Variants in GON4L observed in about 807,000 individuals in gnomAD.
GON4L encodes GON-4-like protein.
A neutral mutation model predicts 211.8 loss-of-function variants in GON4L; 87 were observed. That is an observed-to-expected ratio of 0.41 (90% confidence interval 0.35 to 0.49). GON4L has a LOEUF of 0.49. GON4L is among the 20% of genes least tolerant of loss of function. The pLI is 0.15. For missense variants in GON4L, 2,155 were observed against 2,659.5 expected (o/e 0.81, Z 4.17); for synonymous variants, 875 against 962.6 (o/e 0.91, Z 1.68).
intron 4 of GON4L, 76 bp from the exon 5 acceptor site, chr1:155,821,624 T>C: frequency 1.2e-6 from 1 of 850,498 alleles, no homozygotes. Flanking sequence ...CATGTAACTG[T>C]CAGACCTATG....
chr1:155,780,327 C>A (rs1225459617), intron 14 of GON4L, among the ~76,000 whole-genome samples: 1 of 151,914 alleles, frequency 6.6e-6, no homozygotes, highest in African/African-American at 2.4e-5. Context: ...CGTGGTGGCT[C>A]AAGCCAGTAA....
intron 23 of GON4L, among the ~76,000 whole-genome samples, chr1:155,761,175 GTTTTTTTTTT>G (rs921323729): frequency 9.1e-6 from 1 of 109,540 alleles, no homozygotes; most frequent in Non-Finnish European, 1.8e-5. Context: ...CTTATGTGTG[GTTTTTTTTTT>G]TTTTTTTTTT....
intron 2 of GON4L, among the ~76,000 whole-genome samples, chr1:155,830,186 G>A (rs1669622532): frequency 6.6e-6 from 1 of 151,626 alleles, no homozygotes. Flanking sequence ...CTGACCTCAG[G>A]TAATCTGTCC....
rs1662224632 is a variant in GON4L, at chr1:155,764,541, G to T, written c.4473+459C>A. On this transcript the variant is annotated intron_variant, in intron 21 of 31. Transcript: ENST00000368331. The stretch of plus-strand genomic sequence containing the variant: ...TGCAACCTCTGTCTCTCGGGCTCAA[G>T]CAATTCTCCTGCCTCTGCCTCCCAA... 2.2e-5 allele frequency: 7 copies of T among 324,958 alleles called. No homozygotes were observed. In the Admixed American group the frequency reaches 3.0e-4, roughly 14 times the overall value. The allele number at this position is 324,958 out of a possible 1,614,324, so 20.1% of individuals were successfully genotyped here.
intron 10 of GON4L, among the ~76,000 whole-genome samples, chr1:155,806,053 T>G (rs1382402560): frequency 6.8e-6 from 1 of 147,944 alleles, no homozygotes; most frequent in African/African-American, 2.5e-5. Flanking sequence ...ACTGGCACAA[T>G]CAGAGCTGAC....
At chr1:155,853,124 A>G (rs910600765) in intron 2 of GON4L, 152 bp downstream of exon 2, 30 of 748,198 alleles carry the variant, frequency 4.0e-5, no homozygotes, top group Non-Finnish European at 5.8e-5. Context: ...AAAAAAAAAA[A>G]GTTCACTGTT....
rs371575442 is a variant in GON4L at position 155,783,936 on chromosome 1, G to C, written c.1892+50C>G. 2.5e-6 allele frequency: 4 copies of C among 1,609,518 alleles called. No individual in the cohort carries two copies. In the African/African-American group the frequency reaches 4.0e-5, roughly 16 times the overall value. ...ATTGCAACTTCTGAAAACCTTTTCAGAAATAAACTTTTCCTCTATTCCAAA... is the reference window on the plus strand; with the variant it reads ...ATTGCAACTTCTGAAAACCTTTTCACAAATAAACTTTTCCTCTATTCCAAA... On this transcript the variant is annotated intron_variant, in intron 14 of 31. Transcript: ENST00000368331.
downstream of GON4L, chr1:155,748,789 G>C (rs1223089164): frequency 1.9e-6 from 3 of 1,611,560 alleles, no homozygotes; most frequent in South Asian, 2.2e-5. Context: ...GCCACACAAG[G>C]TGAGAGCTGT....
At chr1:155,838,255 CA>C (rs1169413575) in intron 2 of GON4L, among the ~76,000 whole-genome samples, 3 of 151,830 alleles carry the variant, frequency 2.0e-5, no homozygotes, top group African/African-American at 4.8e-5. Context: ...AACCTTGTCT[CA>C]AAAAATTAAT....
chr1:155,765,794 C>G lies in GON4L; in HGVS notation c.3679G>C (p.Val1227Leu), dbSNP rs61748905. The change falls in exon 21 of 32, where the codon GTG becomes CTG. Residue 1227 changes from valine (V) to leucine (L), a missense_variant. By Grantham distance (32) the Val-to-Leu change is conservative. Coordinates refer to ENST00000368331, the MANE Select transcript of GON4L (RefSeq NM_001282860.2). ...ACAGCACAAGCAATGTCCACATTCA[C>G]GTGGGCCTTATCTTCAGGGGTGGAT... is the stretch of plus-strand genomic sequence containing the variant. ...IPSTPEDKAH[V>L]NVDIACAVAD... 718 of 1,614,118 alleles carry G rather than the reference C, an allele frequency of 4.4e-4. 7 individuals are homozygous for G. Among genetic ancestry groups the G allele is most frequent in the Non-Finnish European group, 8.3e-5 (98 of 1,179,990 alleles).
At chr1:155,764,964 T>A in intron 21 of GON4L, 36 bp downstream of exon 21, 1 of 1,613,972 alleles carries the variant, frequency 6.2e-7, no homozygotes, top group Admixed American at 1.7e-5. Flanking sequence ...TATTACTGAG[T>A]CCACGAAATA....
chr1:155,802,967 A>G (rs1405095649), intron 11 of GON4L, among the ~76,000 whole-genome samples: 1 of 152,170 alleles, frequency 6.6e-6, no homozygotes, highest in Non-Finnish European at 1.5e-5. Context: ...CACACACACA[A>G]AAAAGTACAA....
chr1:155,774,677 C>A, intron 17 of GON4L: 1 of 414,654 alleles, frequency 2.4e-6, no homozygotes. Context: ...TTCATCTTTA[C>A]CAGGCCCCAG....
chr1:155,853,567 C>G lies in GON4L; in HGVS notation c.214G>C (p.Gly72Arg). The G allele has an allele frequency of 6.2e-7, 1 of 1,614,134 alleles. No homozygotes were observed. Among genetic ancestry groups the G allele is most frequent in the Non-Finnish European group, 8.5e-7 (1 of 1,180,004 alleles). ...GAGCTCAGAGATGTATCCTCCATAC[C>G]AAGCTGATTTCCTGCATCCTGCAAA... The part of the protein sequence containing the change: ...QSLQDAGNQL[G>R]MEDTSLSSGM... The change falls in exon 2 of 32, where the codon GGT (glycine) becomes CGT (arginine). Residue 72 changes from glycine (G) to arginine (R), a missense_variant. Physicochemically the swap from Gly to Arg is moderately radical, Grantham distance 125 (BLOSUM62 -2). Coordinates refer to ENST00000368331, the MANE Select transcript of GON4L (RefSeq NM_001282860.2).
At position 155,814,543 on chromosome 1, in the gene GON4L, A is replaced by G; in HGVS notation, c.1162-94T>C. The G allele has an allele frequency of 3.0e-6, 4 of 1,315,296 alleles. No individual in the cohort carries two copies. In the South Asian group the frequency reaches 3.5e-5, roughly 12 times the overall value. The allele number at this position is 1,315,296 out of a possible 1,614,324, so 81.5% of individuals were successfully genotyped here. A position where few individuals can be genotyped will look rare whatever the true frequency, so the allele number is the denominator to read the frequency against. On this transcript the variant is annotated intron_variant, in intron 8 of 31. Coordinates refer to ENST00000368331, the MANE Select transcript of GON4L (RefSeq NM_001282860.2). ...CAAGAGAAGGAATCATAAAATATCA[A>G]TCACTCAGCCTGGCCAACATGGTGA...
At chr1:155,798,775 T>C (rs146449892) in intron 11 of GON4L, among the ~76,000 whole-genome samples, 2 of 152,010 alleles carry the variant, frequency 1.3e-5, no homozygotes, top group South Asian at 2.1e-4. Flanking sequence ...GAGCCCATAA[T>C]AATGAGTAGT....
At chr1:155,811,437 G>A (rs545216014) in intron 10 of GON4L, among the ~76,000 whole-genome samples, 1 of 143,912 alleles carries the variant, frequency 6.9e-6, no homozygotes, top group Admixed American at 7.1e-5. Context: ...ATCAATGGAT[G>A]CTAATATTAG....
intron 2 of GON4L, among the ~76,000 whole-genome samples, chr1:155,849,016 T>C (rs983016305): frequency 7.3e-5 from 11 of 151,608 alleles, no homozygotes; most frequent in African/African-American, 2.7e-4. Flanking sequence ...GGCCTGGTGA[T>C]GCACACCTGT....
chr1:155,827,139 G>A, intron 2 of GON4L, 111 bp from the exon 3 acceptor site: 1 of 795,580 alleles, frequency 1.3e-6, no homozygotes, highest in Non-Finnish European at 2.2e-6. Context: ...CATGAATTAA[G>A]CATATACTAT....
Sources: gnomAD v4.1 joint callset for allele counts (sites outside exome capture counted in the v4.1 genomes callset) on GRCh38, gnomAD v4.1.1 for gene constraint, MANE v1.5 for transcripts, NCBI Gene and HGNC (gene_info 2026-07-23, HGNC 2026-07-21) for gene names.